Variants in FMN1 observed in about 807,000 individuals in gnomAD.
The protein encoded by FMN1 is formin-1.
A neutral mutation model predicts 132.4 loss-of-function variants in FMN1; 110 were observed. That is an observed-to-expected ratio of 0.83 (90% CI 0.71 to 0.97). The LOEUF is 0.97. Among genes scored for constraint, FMN1 ranks in the 50% least tolerant of loss-of-function variants. The pLI is 0.00. For missense variants in FMN1, 1,792 were observed against 1,705.3 expected, an observed-to-expected ratio of 1.05 and a Z score of -0.90; for synonymous variants, 722 against 651.7, an observed-to-expected ratio of 1.11 and a Z score of -1.64.
At chr15:32,827,874 C>A (rs1007826801) in intron 17 of FMN1, among the ~76,000 whole-genome samples, 1 of 151,034 alleles carries the variant, frequency 6.6e-6, no homozygotes, top group African/African-American at 2.4e-5. Context: ...ATACAGATTG[C>A]TGGCTCTCCT....
chr15:33,087,728 A>G (rs956881159), intron 5 of FMN1, among the ~76,000 whole-genome samples: 20 of 152,312 alleles, frequency 1.3e-4, no homozygotes, highest in Non-Finnish European at 2.5e-4. Flanking sequence ...TTGCAATTGC[A>G]AAACTATAGA....
intron 16 of FMN1, among the ~76,000 whole-genome samples, chr15:32,881,482 G>A (rs1294643169): frequency 1.3e-5 from 2 of 152,166 alleles, no homozygotes; most frequent in African/African-American, 4.8e-5. Flanking sequence ...AAAAGGAACT[G>A]AAATTCCATG....
intron 9 of FMN1, among the ~76,000 whole-genome samples, chr15:32,954,900 G>C (rs1447825993): frequency 6.6e-6 from 1 of 152,174 alleles, no homozygotes; most frequent in South Asian, 2.1e-4. Context: ...AGCTACTCTG[G>C]AGGCTGAGGC....
intron 4 of FMN1, among the ~76,000 whole-genome samples, chr15:33,121,405 G>C (rs918619177): frequency 2.0e-5 from 3 of 152,176 alleles, no homozygotes; most frequent in African/African-American, 7.2e-5. Context: ...TAAATTGAGA[G>C]CACAAAGGGA....
At position 33,048,631 on chromosome 15, in the gene FMN1, C is replaced by CA. The variant is rs768997793; in HGVS notation, c.2161+16325dup. Among the ~76,000 whole-genome samples, 111 of 43,426 alleles carry CA rather than the reference C, an allele frequency of 2.6e-3. 13 individuals are homozygous for CA. Among genetic ancestry groups the CA allele is most frequent in the East Asian group, 0.016 (24 of 1,538 alleles). The allele number at this position is 43,426 out of a possible 152,430, so 28.5% of individuals were successfully genotyped here. A position where few individuals can be genotyped will look rare whatever the true frequency, so the allele number is the denominator to read the frequency against. On this transcript the variant is annotated intron_variant, in intron 6 of 20. Coordinates refer to ENST00000616417, the MANE Select transcript of FMN1 (RefSeq NM_001277313.2). ...ATACACTCGAGACTGGGCAATTTAC[C>CA]AAAAAAAAAAAAAAAAAACCAACAG...
At chr15:33,118,197 A>T (rs1017433669) in intron 4 of FMN1, among the ~76,000 whole-genome samples, 4 of 152,194 alleles carry the variant, frequency 2.6e-5, no homozygotes, top group African/African-American at 7.2e-5. Flanking sequence ...AACATCCTCC[A>T]TGGGAAACTA....
intron 4 of FMN1, among the ~76,000 whole-genome samples, chr15:33,102,731 C>G (rs1232366136): frequency 6.6e-6 from 1 of 152,080 alleles, no homozygotes; most frequent in Non-Finnish European, 1.5e-5. Context: ...TTTCATAAAC[C>G]TCCTAAAGTT....
chr15:32,967,487 AT>A (rs1369973399), intron 8 of FMN1, among the ~76,000 whole-genome samples: 3 of 152,180 alleles, frequency 2.0e-5, no homozygotes, highest in Non-Finnish European at 4.4e-5. Context: ...CTGGGAAATG[AT>A]TTTTTAGGAA....
Position 32,916,813 on chromosome 15 carries a change from A to G in FMN1, c.3227-6278T>C, listed in dbSNP as rs144232329. 2.7e-3 allele frequency among the ~76,000 whole-genome samples: 412 copies of G among 152,302 alleles called. 4 individuals carry two copies. The highest frequency in any genetic ancestry group is 9.7e-3 in the African/African-American group (402 of 41,576). On this transcript the variant is annotated intron_variant, in intron 10 of 20. Transcript: ENST00000616417. ...GTTAACTCTGCAACAGCCAAAATAA[A>G]ACTTAGCTGCTTTGCCCAAAATACT...
rs1030915916 is a variant in FMN1 at position 33,194,605 on chromosome 15, G to C, written c.-376C>G. 1.3e-5 allele frequency: 2 copies of C among 152,242 alleles called. No homozygotes were observed. Among genetic ancestry groups the C allele is most frequent in the African/African-American group, 4.8e-5 (2 of 41,434 alleles). The allele number at this position is 152,242 out of a possible 1,614,324, so 9.4% of individuals were successfully genotyped here. On this transcript the variant is annotated 5_prime_UTR_variant, in exon 1 of 21. Transcript: ENST00000616417. Reference sequence around the variant, plus strand: ...GACCAATACTCGGGAGGCTGGTCCCGAGTCCCAGCTACTCGGGAGGCTGAG... The same window carrying C: ...GACCAATACTCGGGAGGCTGGTCCCCAGTCCCAGCTACTCGGGAGGCTGAG...
chr15:32,920,873 C>T (rs2060803759), intron 10 of FMN1, among the ~76,000 whole-genome samples: 1 of 152,226 alleles, frequency 6.6e-6, no homozygotes, highest in Non-Finnish European at 1.5e-5. Flanking sequence ...GACATAGCTT[C>T]AGTTCTGACC....
chr15:33,022,324 C>T (rs146971937), intron 6 of FMN1, among the ~76,000 whole-genome samples: 9 of 152,226 alleles, frequency 5.9e-5, no homozygotes, highest in African/African-American at 2.2e-4. Flanking sequence ...TCAAGTGCCA[C>T]AGCAAGACTT....
intron 9 of FMN1, among the ~76,000 whole-genome samples, chr15:32,951,037 T>C (rs2061640150): frequency 1.3e-5 from 2 of 152,128 alleles, no homozygotes; most frequent in Non-Finnish European, 2.9e-5. Context: ...ATGCATTATG[T>C]TGATAAAATT....
intron 16 of FMN1, among the ~76,000 whole-genome samples, chr15:32,885,465 C>G (rs1418102152): frequency 6.6e-6 from 1 of 152,182 alleles, no homozygotes; most frequent in Admixed American, 6.5e-5. Flanking sequence ...AGTTTCAAAA[C>G]TTGACTAGAT....
rs551304611 is a variant in FMN1 at position 33,070,295 on chromosome 15, G to A, written c.2044-5221C>T. Among the ~76,000 whole-genome samples the A allele has an allele frequency of 8.6e-5, 13 of 151,648 alleles. 1 individual carries two copies. The highest frequency in any genetic ancestry group is 5.9e-4 in the Admixed American group (9 of 15,252). Reference sequence around the variant, plus strand: ...GCTAGGATTACAGGCATGAGCCACCGCGCCCGGCCTAAGATCAGTCTTCTT... The same window carrying A: ...GCTAGGATTACAGGCATGAGCCACCACGCCCGGCCTAAGATCAGTCTTCTT... On this transcript the variant is annotated intron_variant, in intron 5 of 20. Coordinates refer to ENST00000616417, the MANE Select transcript of FMN1 (RefSeq NM_001277313.2).
chr15:32,877,067 C>T (rs897150209), intron 16 of FMN1, among the ~76,000 whole-genome samples: 4 of 152,122 alleles, frequency 2.6e-5, no homozygotes, highest in African/African-American at 9.7e-5. Context: ...AGGTGGATCA[C>T]CTGAAGTCAG....
chr15:32,820,303 T>C (rs765317630), intron 17 of FMN1, among the ~76,000 whole-genome samples: 3 of 152,172 alleles, frequency 2.0e-5, no homozygotes, highest in Non-Finnish European at 4.4e-5. Context: ...CCTGAAACTT[T>C]GCGTTAACAG....
intron 4 of FMN1, among the ~76,000 whole-genome samples, chr15:33,112,227 G>T (rs535453527): frequency 1.8e-4 from 27 of 151,986 alleles, no homozygotes; most frequent in South Asian, 2.1e-4. Flanking sequence ...AATTATAAAG[G>T]TATAATTAAA....
chr15:32,944,371 A>T (rs544923543), intron 9 of FMN1, among the ~76,000 whole-genome samples: 3 of 152,362 alleles, frequency 2.0e-5, no homozygotes, highest in Admixed American at 2.0e-4. Flanking sequence ...GCTAATGGCC[A>T]GTATGGCCTG....
Sources: gnomAD v4.1 joint callset for allele counts (sites outside exome capture counted in the v4.1 genomes callset) on GRCh38, gnomAD v4.1.1 for gene constraint, MANE v1.5 for transcripts, NCBI Gene and HGNC (gene_info 2026-07-23, HGNC 2026-07-21) for gene names.